PPME1: variants seen among roughly 807,000 people sequenced by gnomAD.
PPME1 encodes testicular secretory protein Li 39.
PPME1 carries 17 observed loss-of-function variants against 56.9 expected under a neutral mutation model. The ratio of observed to expected loss-of-function variants is 0.30; its 90% CI spans 0.20 to 0.45. The LOEUF (loss-of-function observed/expected upper bound fraction) is 0.45. PPME1 is among the 20% of genes least tolerant of loss of function. The probability of loss-of-function intolerance (pLI) is 1.00; values close to 1 mark genes in which losing one functional copy is unlikely to be tolerated. For synonymous variants in PPME1, 122 were observed against 156.2 expected (o/e 0.78, Z 1.63); for missense variants, 357 against 483.2 (o/e 0.74, Z 2.45).
At chr11:74,242,897 A>AAAC (rs1859406770) in intron 9 of PPME1, among the ~76,000 whole-genome samples, 1 of 150,828 alleles carries the variant, frequency 6.6e-6, no homozygotes, top group African/African-American at 2.5e-5. Flanking sequence ...AAAAAAAAAA[A>AAAC]AAAAAACAGG....
chr11:74,251,397 A>T lies in PPME1; in HGVS notation c.1075-251A>T, dbSNP rs542941772. The T allele has an allele frequency of 1.0e-4, 138 of 1,367,060 alleles. 1 individual carries two copies. In the African/African-American group the frequency reaches 1.8e-3, roughly 18 times the overall value. 84.7% of individuals were successfully genotyped at this position (1,367,060 alleles called of 1,614,324 possible). On this transcript the variant is annotated intron_variant, in intron 12 of 13. Transcript: ENST00000328257. ...TCCTGTGAGAAAACACCATTCTGTA[A>T]CTCTGAGGGCACACATAAGCCCTTC...
At position 74,250,967 on chromosome 11, in the gene PPME1, G is replaced by A. The variant is rs1156479098; in HGVS notation, c.1023G>A (p.Met341Ile). Residue 341 changes from methionine (M) to isoleucine (I), a missense_variant, in exon 12 of 14, where the codon ATG becomes ATA. Physicochemically the swap from Met to Ile is conservative, Grantham distance 10. Coordinates refer to ENST00000328257, the MANE Select transcript of PPME1 (RefSeq NM_016147.3). ...TIGQMQGKFQ[M>I]QVLPQCGHAV... ...ATTCCTCTCCAGGGAAGTTCCAGAT[G>A]CAGGTCCTACCCCAGTGTGGCCATG... 5 of 1,601,236 alleles carry A rather than the reference G, an allele frequency of 3.1e-6. No individual in the cohort carries two copies. The highest frequency in any genetic ancestry group is 4.3e-6 in the Non-Finnish European group (5 of 1,173,840).
chr11:74,236,845 G>A (rs917042750), intron 8 of PPME1, among the ~76,000 whole-genome samples: 12 of 152,076 alleles, frequency 7.9e-5, no homozygotes, highest in African/African-American at 2.9e-4. Flanking sequence ...ACATCATCAC[G>A]ATGACATTAT....
At chr11:74,238,826 G>A (rs527689697) in intron 8 of PPME1, 69 of 188,802 alleles carry the variant, frequency 3.7e-4, no homozygotes, top group African/African-American at 1.4e-3. Context: ...ACTCTTCAGG[G>A]CTACTTCATA....
Position 74,253,610 on chromosome 11 carries a change from C to A in PPME1, c.*100C>A. On this transcript the variant is annotated 3_prime_UTR_variant, in exon 14 of 14. Transcript: ENST00000328257. ...CTGTCTCCTCTCCATCCCGCCCAGCCATGTGACACTGGCTCCCGGTAGACG... is the reference window on the plus strand; with the variant it reads ...CTGTCTCCTCTCCATCCCGCCCAGCAATGTGACACTGGCTCCCGGTAGACG... 1.5e-6 allele frequency: 2 copies of A among 1,342,536 alleles called. No individual in the cohort carries two copies. The highest frequency in any genetic ancestry group is 2.1e-6 in the Non-Finnish European group (2 of 934,846). 83.2% of individuals were successfully genotyped at this position (1,342,536 alleles called of 1,614,324 possible). A position where few individuals can be genotyped will look rare whatever the true frequency, so the allele number is the denominator to read the frequency against.
rs1257163792 is a variant in PPME1, at chr11:74,254,529, A to G, written c.*1019A>G. 6 of 153,082 alleles carry G rather than the reference A, an allele frequency of 3.9e-5. No homozygotes were observed. Among genetic ancestry groups the G allele is most frequent in the Non-Finnish European group, 7.3e-5 (5 of 68,198 alleles). 9.5% of individuals were successfully genotyped at this position (153,082 alleles called of 1,614,324 possible). Reference sequence around the variant, plus strand: ...GCCATTTCCAAGGGCAGGAAGGGGCAGTGTCCTGAAGCCCATCTTTTCTGT... The same window carrying G: ...GCCATTTCCAAGGGCAGGAAGGGGCGGTGTCCTGAAGCCCATCTTTTCTGT... On this transcript the variant is annotated 3_prime_UTR_variant, in exon 14 of 14. Coordinates refer to ENST00000328257, the MANE Select transcript of PPME1 (RefSeq NM_016147.3).
intron 3 of PPME1, among the ~76,000 whole-genome samples, chr11:74,218,102 A>G (rs1272945558): frequency 6.6e-6 from 1 of 152,194 alleles, no homozygotes; most frequent in African/African-American, 2.4e-5. Flanking sequence ...TTGATGTACA[A>G]AAATTAGCAG....
intron 2 of PPME1, among the ~76,000 whole-genome samples, chr11:74,204,134 A>G (rs548374910): frequency 2.6e-4 from 39 of 149,202 alleles, no homozygotes; most frequent in African/African-American, 1.0e-3. Flanking sequence ...TGTCCTCATG[A>G]GGGCAAAGGG....
At chr11:74,198,123 A>C (rs574518570) in intron 1 of PPME1, among the ~76,000 whole-genome samples, 108 of 152,328 alleles carry the variant, frequency 7.1e-4, no homozygotes, top group Non-Finnish European at 1.1e-3. Flanking sequence ...TTTTATTTAT[A>C]AACTGTAGGA....
At chr11:74,232,477 G>C (rs1440747639) in intron 7 of PPME1, among the ~76,000 whole-genome samples, 1 of 152,180 alleles carries the variant, frequency 6.6e-6, no homozygotes, top group African/African-American at 2.4e-5. Context: ...ACCACTTCCT[G>C]TTCACTACTG....
chr11:74,191,551 A>G (rs1857838068), intron 1 of PPME1, among the ~76,000 whole-genome samples: 1 of 152,194 alleles, frequency 6.6e-6, no homozygotes, highest in Admixed American at 6.5e-5. Flanking sequence ...GTCTTTGGGA[A>G]GGTCCCTCTC....
At chr11:74,200,104 A>T (rs929088903) in intron 1 of PPME1, among the ~76,000 whole-genome samples, 2 of 152,240 alleles carry the variant, frequency 1.3e-5, no homozygotes, top group East Asian at 1.9e-4. Context: ...GAGGGGGGGA[A>T]GTTAGTAATT....
intron 3 of PPME1, among the ~76,000 whole-genome samples, chr11:74,206,993 T>A (rs1858345753): frequency 6.6e-6 from 1 of 152,238 alleles, no homozygotes; most frequent in Non-Finnish European, 1.5e-5. Context: ...AGATAAGGAC[T>A]GAAATTTAGA....
chr11:74,245,970 A>T, intron 9 of PPME1, 106 bp from the exon 10 acceptor site: 2 of 1,326,812 alleles, frequency 1.5e-6, no homozygotes, highest in Non-Finnish European at 2.0e-6. Context: ...TAGGTCCTTA[A>T]TAAGTGCTAG....
intron 1 of PPME1, among the ~76,000 whole-genome samples, chr11:74,181,950 CAT>C (rs1483802712): frequency 1.3e-5 from 2 of 152,176 alleles, no homozygotes; most frequent in Non-Finnish European, 1.5e-5. Context: ...ATAATTTCCA[CAT>C]GTCATTAGTC....
At chr11:74,234,422 C>A (rs1331339232) in intron 7 of PPME1, among the ~76,000 whole-genome samples, 1 of 152,036 alleles carries the variant, frequency 6.6e-6, no homozygotes, top group Admixed American at 6.6e-5. Context: ...TTGGGATATT[C>A]CACAATATTT....
At chr11:74,233,212 C>T (rs1293887812) in intron 7 of PPME1, among the ~76,000 whole-genome samples, 2 of 151,940 alleles carry the variant, frequency 1.3e-5, no homozygotes, top group Non-Finnish European at 2.9e-5. Context: ...TCATGGTAGG[C>T]CTTCTCTTAA....
chr11:74,251,603 C>CA, intron 12 of PPME1, 45 bp from the exon 13 acceptor site: 2 of 1,602,234 alleles, frequency 1.2e-6, no homozygotes, highest in Non-Finnish European at 1.7e-6. Flanking sequence ...GGCTAAGCCC[C>CA]ATCACTAACC....
chr11:74,175,519 A>G (rs1384784602), intron 1 of PPME1, among the ~76,000 whole-genome samples: 10 of 152,010 alleles, frequency 6.6e-5, no homozygotes, highest in Admixed American at 6.6e-4. Flanking sequence ...AAAAAGTTCT[A>G]CTTTTCTATT....
Sources: gnomAD v4.1 joint callset for allele counts (sites outside exome capture counted in the v4.1 genomes callset) on GRCh38, gnomAD v4.1.1 for gene constraint, MANE v1.5 for transcripts, NCBI Gene and HGNC (gene_info 2026-07-23, HGNC 2026-07-21) for gene names.